CLEC2A: variants seen among roughly 807,000 people sequenced by gnomAD.
The protein encoded by CLEC2A is keratinocyte-associated C-type lectin.
Under a neutral mutation model 18.6 loss-of-function variants are expected in CLEC2A, and 19 were observed. The ratio of observed to expected loss-of-function variants is 1.02; its 90% confidence interval spans 0.71 to 1.50. CLEC2A has a LOEUF of 1.50. Ranked by LOEUF, CLEC2A falls within the 40% of genes most tolerant of loss-of-function variation. The pLI is 0.00. For missense variants in CLEC2A, 190 were observed against 207.9 expected (o/e 0.91, Z 0.53); for synonymous variants, 74 against 64.0 (o/e 1.16, Z -0.75).
At chr12:9,929,320 T>C (rs1045910833) in intron 1 of CLEC2A, among the ~76,000 whole-genome samples, 1 of 152,316 alleles carries the variant, frequency 6.6e-6, no homozygotes, top group Admixed American at 6.5e-5. Context: ...CAGTAGTAGT[T>C]ACAGTGAACA....
At position 9,900,826 on chromosome 12, in the gene CLEC2A, A is replaced by G. The variant is rs188454513; in HGVS notation, c.411-1850T>C. Among the ~76,000 whole-genome samples the G allele has an allele frequency of 3.5e-4, 53 of 152,344 alleles. 1 individual carries two copies. The East Asian group carries it at 9.6e-3, about 28-fold the overall frequency. On this transcript the variant is annotated intron_variant, in intron 4 of 4. Transcript: ENST00000339766. ...AGATTGACTCCTTAAAGGCAAGCTT[A>G]CCCTTCCAGTCAAAGTGTTGGTAAA...
the CLEC2A span, among the ~76,000 whole-genome samples, chr12:9,879,191 T>G: frequency 7.9e-5 from 12 of 152,072 alleles, no homozygotes; most frequent in African/African-American, 2.9e-4. Flanking sequence ...AAAAAGGATA[T>G]TTCACTAAGG....
the CLEC2A span, chr12:9,881,551 C>A: frequency 7.4e-7 from 1 of 1,349,256 alleles, no homozygotes; most frequent in African/African-American, 1.4e-5. Flanking sequence ...TTTCCATTTT[C>A]TTTGTACTAT....
intron 1 of CLEC2A, among the ~76,000 whole-genome samples, chr12:9,929,837 G>C (rs1591798108): frequency 6.6e-6 from 1 of 151,832 alleles, no homozygotes; most frequent in Non-Finnish European, 1.5e-5. Flanking sequence ...AAGATCAGTA[G>C]ATTACTCTAT....
chr12:9,910,753 C>T (rs1011548188), downstream of CLEC2A, among the ~76,000 whole-genome samples: 8 of 152,144 alleles, frequency 5.3e-5, 1 homozygote, highest in Admixed American at 3.3e-4. Context: ...TTTCCACCCA[C>T]GTTGCTGAGA....
At chr12:9,895,452 T>C (rs1480454172), downstream of CLEC2A, among the ~76,000 whole-genome samples, 6 of 152,150 alleles carry the variant, frequency 3.9e-5, no homozygotes, top group East Asian at 1.2e-3. Context: ...AATGAGAGGT[T>C]TGAGAGGTAA....
At chr12:9,920,706 C>G (rs1863157030) in intron 3 of CLEC2A, among the ~76,000 whole-genome samples, 1 of 152,210 alleles carries the variant, frequency 6.6e-6, no homozygotes, top group African/African-American at 2.4e-5. Flanking sequence ...ATCTTGGCCA[C>G]TCTCCAACCC....
chr12:9,903,997 G>A (rs1862871688), intron 4 of CLEC2A, among the ~76,000 whole-genome samples: 1 of 152,198 alleles, frequency 6.6e-6, no homozygotes, highest in African/African-American at 2.4e-5. Context: ...CTCTGCTCCA[G>A]CTACTTGGCA....
downstream of CLEC2A, among the ~76,000 whole-genome samples, chr12:9,894,097 TTC>T (rs1271538790): frequency 4.7e-5 from 7 of 149,694 alleles, no homozygotes; most frequent in African/African-American, 1.2e-4. Flanking sequence ...TTCTTTCTCT[TTC>T]TCTCTTTTTC....
chr12:9,888,856 C>T, the CLEC2A span: 4 of 847,552 alleles, frequency 4.7e-6, no homozygotes, highest in South Asian at 1.5e-5. Flanking sequence ...CTGGCGTTCA[C>T]CCATGTTACA....
chr12:9,880,009 G>A, the CLEC2A span, among the ~76,000 whole-genome samples: 2 of 152,144 alleles, frequency 1.3e-5, no homozygotes, highest in South Asian at 4.1e-4. Flanking sequence ...GGTTCTGTAC[G>A]ATCTTACACT....
chr12:9,928,930 T>C (rs540916055), intron 1 of CLEC2A, among the ~76,000 whole-genome samples: 13 of 152,332 alleles, frequency 8.5e-5, no homozygotes, highest in South Asian at 2.1e-4. Flanking sequence ...GAAAATTCTT[T>C]AGCAGTTTTT....
chr12:9,887,014 A>G, the CLEC2A span, among the ~76,000 whole-genome samples: 1 of 151,916 alleles, frequency 6.6e-6, no homozygotes, highest in Non-Finnish European at 1.5e-5. Context: ...AAAATGTCAG[A>G]AAAAAAACAT....
chr12:9,887,023 A>G, the CLEC2A span, among the ~76,000 whole-genome samples: 1 of 152,190 alleles, frequency 6.6e-6, no homozygotes, highest in Non-Finnish European at 1.5e-5. Context: ...GAAAAAAAAC[A>G]TAAATAAATA....
the CLEC2A span, chr12:9,888,709 A>G: frequency 1.5e-6 from 2 of 1,368,798 alleles, no homozygotes; most frequent in South Asian, 2.5e-5. Context: ...TGTTTCTCAT[A>G]TCTTTTCTTT....
At chr12:9,894,167 CTTT>C (rs1862726573), downstream of CLEC2A, among the ~76,000 whole-genome samples, 6 of 128,178 alleles carry the variant, frequency 4.7e-5, no homozygotes, top group South Asian at 1.5e-3. Context: ...TCCCTTCCTT[CTTT>C]GTTTCTTTCT....
the CLEC2A span, chr12:9,888,779 A>G: frequency 8.0e-6 from 12 of 1,496,852 alleles, no homozygotes; most frequent in Non-Finnish European, 1.1e-5. Context: ...GCAGTCTATC[A>G]GGTAATACTC....
At chr12:9,918,458 G>A (rs1239814626) in intron 3 of CLEC2A, among the ~76,000 whole-genome samples, 1 of 152,258 alleles carries the variant, frequency 6.6e-6, no homozygotes, top group Middle Eastern at 3.4e-3. Flanking sequence ...ACTGGTCTAT[G>A]TGCCTGTTTT....
At chr12:9,890,136 A>T in the CLEC2A span, among the ~76,000 whole-genome samples, 18 of 152,182 alleles carry the variant, frequency 1.2e-4, no homozygotes, top group Non-Finnish European at 2.1e-4. Context: ...TATACCATTG[A>T]ATATTTAAAT....
Sources: allele counts gnomAD v4.1 joint callset (sites outside exome capture counted in the v4.1 genomes callset), GRCh38; gene constraint gnomAD v4.1.1; transcripts MANE v1.5; gene names NCBI Gene and HGNC (gene_info 2026-07-23, HGNC 2026-07-21).